The following SLC4A9 variants were observed in gnomAD, a reference collection of about 807,000 sequenced individuals.
SLC4A9 encodes the protein anion exchange protein 4.
Under a neutral mutation model 103.2 loss-of-function variants are expected in SLC4A9, and 102 were observed. The ratio of observed to expected loss-of-function variants is 0.99; its 90% confidence interval spans 0.84 to 1.17. The LOEUF is 1.17. Ranked by LOEUF, SLC4A9 falls within the 50% of genes most tolerant of loss-of-function variation. SLC4A9 has a pLI of 0.00. For missense variants in SLC4A9, 1,091 were observed against 1,193.7 expected, an observed-to-expected ratio of 0.91 and a Z score of 1.27; for synonymous variants, 453 against 483.6, an observed-to-expected ratio of 0.94 and a Z score of 0.83.
chr5:140,360,210 C>G lies in SLC4A9; in HGVS notation c.-27C>G, dbSNP rs762589137. The G allele has an allele frequency of 2.5e-6, 4 of 1,588,908 alleles. No individual in the cohort carries two copies. Among genetic ancestry groups the G allele is most frequent in the Non-Finnish European group, 3.4e-6 (4 of 1,163,202 alleles). ...CCTGGCTTCAGAACCTAGGACTGTACTGGTTCTGAGATTCTGTGCAAGCCT... is the reference window on the plus strand; with the variant it reads ...CCTGGCTTCAGAACCTAGGACTGTAGTGGTTCTGAGATTCTGTGCAAGCCT... On this transcript the variant is annotated 5_prime_UTR_variant, in exon 1 of 22. Coordinates refer to ENST00000506757, the MANE Select transcript of SLC4A9 (RefSeq NM_031467.3).
In SLC4A9 at chr5:140,364,458, TG is replaced by T; in HGVS notation, c.1486del (p.Val496CysfsTer29). On this transcript the variant is annotated frameshift_variant, in exon 11 of 22. Coordinates refer to ENST00000506757, the MANE Select transcript of SLC4A9 (RefSeq NM_031467.3). LOFTEE classifies it high-confidence loss of function. The stretch of plus-strand genomic sequence containing the variant: ...CTGGTGGCCACAGAGGCCAGTGTGC[TG>T]GTGCGCTACTTCACCCGCTTCACTG... The part of the protein sequence containing the change: ...LVLVATEASV[L>X]VRYFTRFTEE... 1 of 1,613,496 alleles carries T rather than the reference TG, an allele frequency of 6.2e-7. No individual in the cohort carries two copies. Among genetic ancestry groups the T allele is most frequent in the Non-Finnish European group, 8.5e-7 (1 of 1,179,666 alleles).
At position 140,360,212 on chromosome 5, in the gene SLC4A9, G is replaced by T. The variant is rs765891945; in HGVS notation, c.-25G>T. 2 of 1,595,992 alleles carry T rather than the reference G, an allele frequency of 1.3e-6. No homozygotes were observed. The highest frequency in any genetic ancestry group is 1.7e-5 in the Admixed American group (1 of 58,684). On this transcript the variant is annotated 5_prime_UTR_variant, in exon 1 of 22. Coordinates refer to ENST00000506757, the MANE Select transcript of SLC4A9 (RefSeq NM_031467.3). ...TGGCTTCAGAACCTAGGACTGTACT[G>T]GTTCTGAGATTCTGTGCAAGCCTCA...
intron 17 of SLC4A9, among the ~76,000 whole-genome samples, chr5:140,369,313 A>G (rs981162909): frequency 5.9e-5 from 9 of 152,002 alleles, no homozygotes; most frequent in Admixed American, 2.0e-4. Flanking sequence ...CCAAAAAACA[A>G]CAACAGAAAA....
intron 17 of SLC4A9, among the ~76,000 whole-genome samples, chr5:140,369,038 TCAGCC>T (rs1203800820): frequency 6.6e-6 from 1 of 152,102 alleles, no homozygotes; most frequent in Non-Finnish European, 1.5e-5. Context: ...AAGAGTATGA[TCAGCC>T]CAGGTGCGGT....
chr5:140,361,232 T>C, intron 2 of SLC4A9, 22 bp from the exon 3 acceptor site: 1 of 1,540,366 alleles, frequency 6.5e-7, no homozygotes, highest in Non-Finnish European at 8.8e-7. Flanking sequence ...AGGAAGGAGA[T>C]GACCCCCAAT....
intron 3 of SLC4A9, 106 bp from the exon 4 acceptor site, chr5:140,361,702 A>G: frequency 8.2e-7 from 1 of 1,224,696 alleles, no homozygotes; most frequent in Non-Finnish European, 1.2e-6. Flanking sequence ...GGAGAAGGGT[A>G]TACTCTAATT....
rs769429469 is a variant in SLC4A9, at chr5:140,364,493, T to C, written c.1519T>C (p.Phe507Leu). The C allele has an allele frequency of 1.2e-5, 20 of 1,612,306 alleles. No individual in the cohort carries two copies. The South Asian group carries it at 2.1e-4, about 17-fold the overall frequency. Residue 507 changes from phenylalanine (F) to leucine (L), a missense_variant, in exon 11 of 22, where the codon TTC becomes CTC. Physicochemically the swap from Phe to Leu is conservative, Grantham distance 22 (BLOSUM62 0). Coordinates refer to ENST00000506757, the MANE Select transcript of SLC4A9 (RefSeq NM_031467.3). ...CTTCACCCGCTTCACTGAGGAAGGTTTCTGTGCCCTCATCAGCCTCATCTT... is the reference window on the plus strand; with the variant it reads ...CTTCACCCGCTTCACTGAGGAAGGTCTCTGTGCCCTCATCAGCCTCATCTT... ...RYFTRFTEEG[F>L]CALISLIFIY... is the part of the protein sequence containing the mutation.
chr5:140,364,698 A>C, intron 11 of SLC4A9, 73 bp downstream of exon 11: 7 of 1,525,652 alleles, frequency 4.6e-6, no homozygotes, highest in Non-Finnish European at 6.2e-6. Context: ...CACCCTTACT[A>C]TCCCCCCTGG....
rs78847251 is a variant in SLC4A9, at chr5:140,364,634, G to C, written c.1651+9G>C. 2,630 of 1,596,578 alleles carry C rather than the reference G, an allele frequency of 1.6e-3. 31 individuals carry two copies. In the African/African-American group the frequency reaches 0.031, roughly 19 times the overall value. ...ATACCCAGGCCCAGGAGGTGGGTAA[G>C]GGAAACAGGGACCTTGGTCAGGTGA... On this transcript the variant is annotated intron_variant, in intron 11 of 21. Coordinates refer to ENST00000506757, the MANE Select transcript of SLC4A9 (RefSeq NM_031467.3).
chr5:140,371,113 C>T lies in SLC4A9; in HGVS notation c.2446C>T (p.Leu816Phe), dbSNP rs1177886657. Residue 816 changes from leucine to phenylalanine, a missense_variant, in exon 18 of 22, where the codon CTC (leucine) becomes TTC (phenylalanine). Coordinates refer to ENST00000506757, the MANE Select transcript of SLC4A9 (RefSeq NM_031467.3). ...CTACCAGTTCATTCCAATGCCTGTGCTCTATGGCATCTTCCTGTATATGGG... is the reference window on the plus strand; with the variant it reads ...CTACCAGTTCATTCCAATGCCTGTGTTCTATGGCATCTTCCTGTATATGGG... ...PVLKFIPMPVLYGIFLYMGVA... is the reference protein window; with the variant it reads ...PVLKFIPMPVFYGIFLYMGVA... 6.2e-7 allele frequency: 1 copy of T among 1,611,860 alleles called. No homozygotes were observed. The highest frequency in any genetic ancestry group is 1.3e-5 in the African/African-American group (1 of 74,882).
intron 19 of SLC4A9, 101 bp from the exon 20 acceptor site, chr5:140,372,141 A>T: frequency 9.4e-7 from 1 of 1,059,312 alleles, no homozygotes; most frequent in South Asian, 1.9e-5. Context: ...TGAAACTGAT[A>T]TACAATGCCT....
At chr5:140,373,612 T>C (rs951127051) in intron 21 of SLC4A9, among the ~76,000 whole-genome samples, 1 of 152,122 alleles carries the variant, frequency 6.6e-6, no homozygotes, top group African/African-American at 2.4e-5. Context: ...ATCCAAATAA[T>C]GAATAGAAGC....
chr5:140,370,571 G>C (rs772104245), intron 17 of SLC4A9, among the ~76,000 whole-genome samples: 1 of 152,180 alleles, frequency 6.6e-6, no homozygotes, highest in African/African-American at 2.4e-5. Flanking sequence ...ATGATTAAGA[G>C]TGCCAGGGGC....
chr5:140,364,119 G>T lies in SLC4A9; in HGVS notation c.1320G>T (p.Gln440His), dbSNP rs1440754894. 1.3e-6 allele frequency: 2 copies of T among 1,593,266 alleles called. No homozygotes were observed. Among genetic ancestry groups the T allele is most frequent in the East Asian group, 4.5e-5 (2 of 44,662 alleles). Residue 440 changes from glutamine to histidine, a missense_variant, in exon 10 of 22, where the codon CAG becomes CAT. Physicochemically the swap from Gln to His is conservative, Grantham distance 24 (BLOSUM62 0). Transcript: ENST00000506757. ...CTGCCTTCTGCCTGATGGCAGGCCAGCCCCTCACCATTCTGAGCAGCACGG... is the reference window on the plus strand; with the variant it reads ...CTGCCTTCTGCCTGATGGCAGGCCATCCCCTCACCATTCTGAGCAGCACGG... ...AGAAFCLMAG[Q>H]PLTILSSTGP... is the part of the protein sequence containing the mutation.
chr5:140,372,293 C>T lies in SLC4A9; in HGVS notation c.2722C>T (p.Gln908Ter). 1 of 1,603,828 alleles carries T rather than the reference C, an allele frequency of 6.2e-7. No homozygotes were observed. Among genetic ancestry groups the T allele is most frequent in the South Asian group, 1.1e-5 (1 of 89,498 alleles). Residue 908 changes from glutamine (Q) to a stop codon, truncating the protein, a stop_gained, in exon 20 of 22, where the codon CAG becomes TAG. Coordinates refer to ENST00000506757, the MANE Select transcript of SLC4A9 (RefSeq NM_031467.3). LOFTEE classifies it high-confidence loss of function. The stretch of plus-strand genomic sequence containing the variant: ...GGCCCTGGAGAGGGTCTTCTCACCA[C>T]AGGAACTCCTCTGGCTGGATGAGCT... ...RKALERVFSP[Q>*]ELLWLDELMP...
chr5:140,367,318 T>C, intron 14 of SLC4A9, 102 bp from the exon 15 acceptor site: 1 of 1,381,002 alleles, frequency 7.2e-7, no homozygotes, highest in Non-Finnish European at 9.8e-7. Flanking sequence ...TCTAGTGACT[T>C]GGGGTGGGGG....
In SLC4A9 at chr5:140,366,146, G is replaced by A; in HGVS notation, c.1900-5G>A. 1 of 1,612,982 alleles carries A rather than the reference G, an allele frequency of 6.2e-7. No homozygotes were observed. Among genetic ancestry groups the A allele is most frequent in the South Asian group, 1.1e-5 (1 of 90,968 alleles). ...GGACCTGACTGAGTGTCCACTGTGT[G>A]CCAGGTGCGCAAAGGGCTCAGCGAC... On this transcript the variant is annotated splice_polypyrimidine_tract_variant and splice_region_variant and intron_variant, in intron 13 of 21. Coordinates refer to ENST00000506757, the MANE Select transcript of SLC4A9 (RefSeq NM_031467.3).
chr5:140,374,158 C>T (rs1769143220), intron 21 of SLC4A9, among the ~76,000 whole-genome samples: 1 of 151,996 alleles, frequency 6.6e-6, no homozygotes, highest in African/African-American at 2.4e-5. Flanking sequence ...CACTGCACTC[C>T]AGCCTGGGCG....
intron 17 of SLC4A9, among the ~76,000 whole-genome samples, chr5:140,369,463 AAC>A (rs1219439828): frequency 6.6e-6 from 1 of 152,176 alleles, no homozygotes; most frequent in East Asian, 1.9e-4. Context: ...CCCTACCAGC[AAC>A]ACACACAAAT....
Sources: allele counts gnomAD v4.1 joint callset (sites outside exome capture counted in the v4.1 genomes callset), GRCh38; gene constraint gnomAD v4.1.1; transcripts MANE v1.5; gene names NCBI Gene and HGNC (gene_info 2026-07-23, HGNC 2026-07-21).